DCAF6: variants seen among roughly 807,000 people sequenced by gnomAD.
DCAF6 encodes the protein DDB1 and CUL4 associated factor 6.
Under a neutral mutation model 125.1 loss-of-function variants are expected in DCAF6, and 54 were observed. The ratio of observed to expected loss-of-function variants is 0.43; its 90% CI spans 0.35 to 0.54. DCAF6 has a LOEUF of 0.54. Ranked by LOEUF, DCAF6 falls within the 20% of genes least tolerant of loss-of-function variation. The pLI, the probability that DCAF6 is intolerant of heterozygous loss-of-function variation, is 0.01. For synonymous variants in DCAF6, 371 were observed against 390.4 expected (o/e 0.95, Z 0.58); for missense variants, 934 against 1,161.7 (o/e 0.80, Z 2.85).
At chr1:168,033,832 G>A (rs576871631) in intron 12 of DCAF6, among the ~76,000 whole-genome samples, 1 of 152,290 alleles carries the variant, frequency 6.6e-6, no homozygotes, top group African/African-American at 2.4e-5. Context: ...CATAATTACT[G>A]AGCAATATAG....
intron 12 of DCAF6, among the ~76,000 whole-genome samples, chr1:168,031,758 T>C (rs1687124042): frequency 6.6e-6 from 1 of 152,126 alleles, no homozygotes. Flanking sequence ...AAAGAAATAC[T>C]GGAAAAGGAT....
intron 1 of DCAF6, among the ~76,000 whole-genome samples, chr1:167,945,903 ATG>A (rs747854156): frequency 7.0e-6 from 1 of 142,104 alleles, no homozygotes; most frequent in South Asian, 2.3e-4. Flanking sequence ...TAATTTTTGT[ATG>A]TTGATTTTGT....
At chr1:167,894,508 A>T in the DCAF6 span, among the ~76,000 whole-genome samples, 2 of 152,246 alleles carry the variant, frequency 1.3e-5, no homozygotes, top group South Asian at 4.1e-4. Context: ...TTTATGCTCT[A>T]GGATAGACTG....
the DCAF6 span, chr1:167,919,946 C>A: frequency 6.6e-7 from 1 of 1,523,930 alleles, no homozygotes. Flanking sequence ...GTAGCTTTTG[C>A]AACAGTTTTA....
At chr1:167,944,646 AT>A (rs1345120489) in intron 1 of DCAF6, among the ~76,000 whole-genome samples, 3 of 151,830 alleles carry the variant, frequency 2.0e-5, no homozygotes, top group African/African-American at 7.3e-5. Context: ...TTTTAATAGG[AT>A]TGTTAGATTT....
the DCAF6 span, among the ~76,000 whole-genome samples, chr1:167,925,444 T>TATATATATATAC: frequency 1.4e-5 from 1 of 71,652 alleles, no homozygotes; most frequent in Non-Finnish European, 3.1e-5. Flanking sequence ...CATATACACA[T>TATATATATATAC]ATATATATAT....
intron 3 of DCAF6, 111 bp downstream of exon 3, chr1:167,966,832 C>T: frequency 1.5e-6 from 1 of 677,276 alleles, no homozygotes. Context: ...GAATATCCTC[C>T]CTATTTTGCT....
intron 18 of DCAF6, 93 bp downstream of exon 18, chr1:168,063,852 G>C (rs1033191588): frequency 1.3e-5 from 16 of 1,219,246 alleles, no homozygotes; most frequent in Non-Finnish European, 1.6e-5. Context: ...TTGCCAATGG[G>C]ATTTCAGTAT....
intron 17 of DCAF6, among the ~76,000 whole-genome samples, chr1:168,060,194 G>A (rs1691408301): frequency 6.6e-6 from 1 of 151,942 alleles, no homozygotes; most frequent in African/African-American, 2.4e-5. Flanking sequence ...TTTGGTTTTT[G>A]TTGTTGTTTT....
chr1:167,978,477 A>C (rs922241864), intron 4 of DCAF6, among the ~76,000 whole-genome samples: 4 of 152,112 alleles, frequency 2.6e-5, no homozygotes, highest in Non-Finnish European at 5.9e-5. Flanking sequence ...CATCTCTTCA[A>C]ATGTTTGTTG....
the DCAF6 span, among the ~76,000 whole-genome samples, chr1:167,904,425 A>T: frequency 1.3e-5 from 2 of 152,120 alleles, no homozygotes; most frequent in East Asian, 3.9e-4. Context: ...CTTCTTAAGG[A>T]TCTTTGTGGC....
chr1:167,986,933 G>C (rs1213039323), intron 4 of DCAF6, among the ~76,000 whole-genome samples: 1 of 152,106 alleles, frequency 6.6e-6, no homozygotes, highest in Non-Finnish European at 1.5e-5. Flanking sequence ...TTTTATGGTA[G>C]TAAAATACAT....
At chr1:167,989,088 C>A (rs1680444406) in intron 5 of DCAF6, among the ~76,000 whole-genome samples, 1 of 151,990 alleles carries the variant, frequency 6.6e-6, no homozygotes, top group Non-Finnish European at 1.5e-5. Context: ...TCAAACAAAA[C>A]AAAACAAAAC....
At chr1:167,952,167 CAT>C (rs1434991245) in intron 2 of DCAF6, among the ~76,000 whole-genome samples, 1 of 151,940 alleles carries the variant, frequency 6.6e-6, no homozygotes, top group Non-Finnish European at 1.5e-5. Context: ...ATCACTCAAA[CAT>C]ATCCTCTTTT....
At chr1:167,978,954 A>T (rs1410448349) in intron 4 of DCAF6, among the ~76,000 whole-genome samples, 1 of 152,044 alleles carries the variant, frequency 6.6e-6, no homozygotes, top group Non-Finnish European at 1.5e-5. Context: ...GTGTCTTTTG[A>T]TGAAGAAAAG....
At chr1:167,959,035 A>AT (rs1675192555) in intron 2 of DCAF6, among the ~76,000 whole-genome samples, 1 of 152,160 alleles carries the variant, frequency 6.6e-6, no homozygotes, top group Non-Finnish European at 1.5e-5. Context: ...TGCTCTGCCT[A>AT]TTTATCACCC....
the DCAF6 span, among the ~76,000 whole-genome samples, chr1:167,906,502 G>A: frequency 6.6e-6 from 1 of 151,832 alleles, no homozygotes; most frequent in Non-Finnish European, 1.5e-5. Flanking sequence ...AGAAGGGTGT[G>A]AGATGCTAGA....
chr1:168,070,180 A>G (rs58082401), intron 21 of DCAF6, among the ~76,000 whole-genome samples: 4,892 of 152,108 alleles, frequency 0.032, 194 homozygotes, highest in African/African-American at 0.094. Context: ...TTTGCCAGCA[A>G]TCAAAAAGAC....
rs1422130705 is a variant in DCAF6 at position 167,957,412 on chromosome 1, A to G, written c.159+5551A>G. Among the ~76,000 whole-genome samples, 2 of 152,178 alleles carry G rather than the reference A, an allele frequency of 1.3e-5. 1 individual carries two copies. Among genetic ancestry groups the G allele is most frequent in the Admixed American group, 1.3e-4 (2 of 15,280 alleles). On this transcript the variant is annotated intron_variant, in intron 2 of 21. Transcript: ENST00000367840. ...AGTGTAATGTTTTCAAGGTTAATCCATGTTGTAGTATGTGTCAGTATTTCA... is the reference window on the plus strand; with the variant it reads ...AGTGTAATGTTTTCAAGGTTAATCCGTGTTGTAGTATGTGTCAGTATTTCA...
Sources: allele counts gnomAD v4.1 joint callset (sites outside exome capture counted in the v4.1 genomes callset), GRCh38; gene constraint gnomAD v4.1.1; transcripts MANE v1.5; gene names NCBI Gene and HGNC (gene_info 2026-07-23, HGNC 2026-07-21).